The following LDAH variants were observed in gnomAD, a reference collection of about 807,000 sequenced individuals.
LDAH encodes lipid droplet associated hydrolase.
A neutral mutation model predicts 29.6 loss-of-function variants in LDAH; 26 were observed. That is an observed-to-expected ratio of 0.88 (90% CI 0.64 to 1.22). The LOEUF is 1.22. Ranked by LOEUF, LDAH falls within the 50% of genes most tolerant of loss-of-function variation. The pLI is 0.00. For synonymous variants in LDAH, 117 were observed against 133.0 expected (o/e 0.88, Z 0.83); for missense variants, 344 against 387.3 (o/e 0.89, Z 0.94).
intron 5 of LDAH, among the ~76,000 whole-genome samples, chr2:20,724,918 T>C (rs1002565317): frequency 2.6e-5 from 4 of 152,052 alleles, no homozygotes; most frequent in African/African-American, 9.7e-5. Context: ...GAGAGGGACT[T>C]GTTGGTACTG....
At chr2:20,710,077 A>T (rs1664600948) in intron 5 of LDAH, among the ~76,000 whole-genome samples, 2 of 152,214 alleles carry the variant, frequency 1.3e-5, no homozygotes, top group African/African-American at 4.8e-5. Flanking sequence ...AAATTAATGC[A>T]ATTAATTAAT....
intron 6 of LDAH, among the ~76,000 whole-genome samples, chr2:20,692,012 T>C (rs4971524): frequency 0.21 from 32,564 of 152,178 alleles, 4,032 homozygotes; most frequent in East Asian, 0.31. Flanking sequence ...TGTTTTTTTT[T>C]CCCCACTTTT....
chr2:20,730,502 T>C (rs1302053821), intron 5 of LDAH, among the ~76,000 whole-genome samples: 1 of 152,178 alleles, frequency 6.6e-6, no homozygotes, highest in African/African-American at 2.4e-5. Flanking sequence ...ATTTTAGCCA[T>C]TCTGATAGGT....
At chr2:20,732,464 T>A (rs933340371) in intron 5 of LDAH, among the ~76,000 whole-genome samples, 1 of 152,138 alleles carries the variant, frequency 6.6e-6, no homozygotes, top group African/African-American at 2.4e-5. Flanking sequence ...ATTGTGTTAG[T>A]ATTTCTTTAA....
intron 4 of LDAH, among the ~76,000 whole-genome samples, chr2:20,752,573 C>G (rs556456080): frequency 2.6e-5 from 4 of 152,276 alleles, no homozygotes; most frequent in African/African-American, 9.6e-5. Context: ...GAGGCCAAAT[C>G]AGTATCACTG....
At chr2:20,820,966 G>T (rs1226462860) in intron 1 of LDAH, among the ~76,000 whole-genome samples, 4 of 149,768 alleles carry the variant, frequency 2.7e-5, no homozygotes, top group Non-Finnish European at 5.9e-5. Context: ...GATATGAACA[G>T]ACACTTCTCA....
At chr2:20,732,588 T>C (rs749654913) in intron 5 of LDAH, among the ~76,000 whole-genome samples, 26 of 152,254 alleles carry the variant, frequency 1.7e-4, no homozygotes, top group Admixed American at 7.9e-4. Flanking sequence ...TCAAATGGTC[T>C]ATTTCATCTT....
chr2:20,759,979 G>A (rs1485634706), intron 4 of LDAH, among the ~76,000 whole-genome samples: 1 of 152,172 alleles, frequency 6.6e-6, no homozygotes. Flanking sequence ...TTTCAAATAA[G>A]ATCTGCTTCA....
At chr2:20,799,933 G>A (rs1671553953) in intron 2 of LDAH, among the ~76,000 whole-genome samples, 2 of 152,048 alleles carry the variant, frequency 1.3e-5, no homozygotes, top group South Asian at 2.1e-4. Context: ...ATGAAGAGGC[G>A]AAAAACATGG....
intron 5 of LDAH, among the ~76,000 whole-genome samples, chr2:20,708,221 C>T (rs1206731672): frequency 6.6e-6 from 1 of 152,164 alleles, no homozygotes; most frequent in Non-Finnish European, 1.5e-5. Flanking sequence ...AAAGTGTCTT[C>T]CACAAAACCG....
At chr2:20,757,555 T>C (rs1668415561) in intron 4 of LDAH, among the ~76,000 whole-genome samples, 2 of 152,216 alleles carry the variant, frequency 1.3e-5, no homozygotes, top group East Asian at 1.9e-4. Context: ...CAAGCTGTGA[T>C]GGTCAATTTT....
intron 5 of LDAH, among the ~76,000 whole-genome samples, chr2:20,725,986 T>A (rs1023376622): frequency 6.6e-6 from 1 of 152,244 alleles, no homozygotes; most frequent in African/African-American, 2.4e-5. Flanking sequence ...GGACTGCCTA[T>A]GCCTGGATTT....
chr2:20,684,375 TTTAATC>T lies in LDAH; in HGVS notation c.*2522_*2527del, dbSNP rs59271655. ...CAATTGTCATGTCTCTTCAGTCTCCTTTAATCTGAAATTGCTTTTTTTTTTTGCTCT... is the reference window on the plus strand; with the variant it reads ...CAATTGTCATGTCTCTTCAGTCTCCTTGAAATTGCTTTTTTTTTTTGCTCT... On this transcript the variant is annotated 3_prime_UTR_variant, in exon 7 of 7. Transcript: ENST00000237822. 31,157 of 151,908 alleles carry T rather than the reference TTTAATC, an allele frequency of 0.21. 4,069 individuals carry two copies. The highest frequency in any genetic ancestry group is 0.45 in the East Asian group (2,318 of 5,130). The allele number at this position is 151,908 out of a possible 1,614,324, so 9.4% of individuals were successfully genotyped here.
At chr2:20,714,445 A>C (rs1175490463) in intron 5 of LDAH, among the ~76,000 whole-genome samples, 1 of 152,144 alleles carries the variant, frequency 6.6e-6, no homozygotes, top group African/African-American at 2.4e-5. Flanking sequence ...ATCTAAAATC[A>C]ACACCCTAAT....
chr2:20,811,000 C>CA (rs1305623327), intron 1 of LDAH, among the ~76,000 whole-genome samples: 3 of 150,652 alleles, frequency 2.0e-5, no homozygotes, highest in Non-Finnish European at 4.4e-5. Context: ...TCCCTGGTGC[C>CA]AAAAAGGTAT....
intron 4 of LDAH, among the ~76,000 whole-genome samples, chr2:20,768,967 G>A (rs1669230124): frequency 6.6e-6 from 1 of 152,028 alleles, no homozygotes; most frequent in African/African-American, 2.4e-5. Context: ...ATCCTTCAAT[G>A]GCTTTCTGCT....
intron 5 of LDAH, among the ~76,000 whole-genome samples, chr2:20,709,235 T>C (rs1664523078): frequency 6.6e-6 from 1 of 152,160 alleles, no homozygotes; most frequent in Admixed American, 6.5e-5. Context: ...GAGGTGTATA[T>C]AAAATATAAG....
intron 1 of LDAH, among the ~76,000 whole-genome samples, chr2:20,814,972 T>A: frequency 6.6e-6 from 1 of 152,172 alleles, no homozygotes; most frequent in East Asian, 1.9e-4. Context: ...CAGAGATAAC[T>A]CTGCAGAGGT....
chr2:20,805,698 G>A (rs1672017934), intron 1 of LDAH, among the ~76,000 whole-genome samples: 3 of 152,172 alleles, frequency 2.0e-5, no homozygotes, highest in Middle Eastern at 3.4e-3. Context: ...TTTGCTTAAT[G>A]GGCTTCTAAT....
Sources: allele counts gnomAD v4.1 joint callset (sites outside exome capture counted in the v4.1 genomes callset), GRCh38; gene constraint gnomAD v4.1.1; transcripts MANE v1.5; gene names NCBI Gene and HGNC (gene_info 2026-07-23, HGNC 2026-07-21).